The following DENND4A variants were observed in gnomAD, a reference collection of about 807,000 sequenced individuals.
DENND4A encodes C-myc promoter-binding protein.
A neutral mutation model predicts 199.3 loss-of-function variants in DENND4A; 70 were observed. That is an observed-to-expected ratio of 0.35 (90% CI 0.29 to 0.43). DENND4A has a LOEUF of 0.43. Among genes scored for constraint, DENND4A ranks in the 20% least tolerant of loss-of-function variants. DENND4A has a pLI of 1.00. For synonymous variants in DENND4A, 686 were observed against 766.9 expected (o/e 0.89, Z 1.74); for missense variants, 1,723 against 2,255.8 (o/e 0.76, Z 4.78).
intron 9 of DENND4A, chr15:65,731,346 T>A (rs1383216431): frequency 2.3e-6 from 1 of 434,644 alleles, no homozygotes; most frequent in African/African-American, 2.0e-5. Context: ...CAGAGGTTAA[T>A]TAAAGCTAAA....
At chr15:65,770,583 C>G (rs371028748) in intron 1 of DENND4A, among the ~76,000 whole-genome samples, 1 of 151,986 alleles carries the variant, frequency 6.6e-6, no homozygotes, top group African/African-American at 2.4e-5. Context: ...TGGAATATAA[C>G]GGCAATATTA....
At chr15:65,765,525 G>C (rs1211603350) in intron 1 of DENND4A, among the ~76,000 whole-genome samples, 1 of 152,142 alleles carries the variant, frequency 6.6e-6, no homozygotes, top group East Asian at 1.9e-4. Flanking sequence ...GTAACATCTT[G>C]CAAAACTATA....
At chr15:65,739,006 A>G (rs1258676752) in intron 5 of DENND4A, 131 bp from the exon 6 acceptor site, 3 of 611,122 alleles carry the variant, frequency 4.9e-6, no homozygotes, top group Non-Finnish European at 7.9e-6. Context: ...TTCATCAAAT[A>G]ACACTGAATA....
intron 23 of DENND4A, among the ~76,000 whole-genome samples, chr15:65,683,436 T>A (rs1264070729): frequency 6.6e-6 from 1 of 152,194 alleles, no homozygotes; most frequent in East Asian, 1.9e-4. Flanking sequence ...GCTTACTTTG[T>A]TCTTTTTTTC....
intron 14 of DENND4A, among the ~76,000 whole-genome samples, chr15:65,709,245 T>C (rs1008449641): frequency 6.6e-6 from 1 of 152,214 alleles, no homozygotes; most frequent in Admixed American, 6.5e-5. Context: ...AGAAAACATA[T>C]GCAGATGAAT....
intron 11 of DENND4A, chr15:65,725,904 T>A (rs1293876310): frequency 1.3e-5 from 2 of 152,170 alleles, no homozygotes; most frequent in African/African-American, 4.8e-5. Flanking sequence ...TTTGTTTTTC[T>A]TTCAAACTTC....
rs1001837470 is a variant in DENND4A at position 65,734,820 on chromosome 15, C to T, written c.1041-2002G>A. On this transcript the variant is annotated intron_variant, in intron 7 of 32. Coordinates refer to ENST00000443035, the MANE Select transcript of DENND4A (RefSeq NM_001320835.1). ...TAATAATAGTATGATGTTGGCCAGGCGCGGTAATCCCAGCACTTTGGGAGG... is the reference window on the plus strand; with the variant it reads ...TAATAATAGTATGATGTTGGCCAGGTGCGGTAATCCCAGCACTTTGGGAGG... Among the ~76,000 whole-genome samples the T allele has an allele frequency of 3.5e-4, 53 of 152,090 alleles. 1 individual carries two copies. Among genetic ancestry groups the T allele is most frequent in the African/African-American group, 1.3e-3 (52 of 41,420 alleles).
intron 7 of DENND4A, among the ~76,000 whole-genome samples, chr15:65,735,239 G>GT (rs759995284): frequency 2.6e-5 from 4 of 151,994 alleles, no homozygotes; most frequent in Non-Finnish European, 5.9e-5. Flanking sequence ...TCAGCCAGGT[G>GT]TGGTGGCACA....
chr15:65,784,625 T>C (rs1391545183), intron 1 of DENND4A, among the ~76,000 whole-genome samples: 2 of 152,152 alleles, frequency 1.3e-5, no homozygotes, highest in East Asian at 1.9e-4. Flanking sequence ...GCATGTATAG[T>C]GGGTTGGACA....
chr15:65,717,694 T>C (rs1303558152), intron 13 of DENND4A, 84 bp downstream of exon 13: 1 of 1,185,480 alleles, frequency 8.4e-7, no homozygotes, highest in Non-Finnish European at 1.2e-6. Context: ...CTCATAAATA[T>C]GAGCTATTAA....
At chr15:65,663,196 A>ATTTTTTTTTTTTTTTTTTTTTTTT (rs1366096279) in intron 32 of DENND4A, among the ~76,000 whole-genome samples, 1 of 117,122 alleles carries the variant, frequency 8.5e-6, no homozygotes. Flanking sequence ...ATATATATAT[A>ATTTTTTTTTTTTTTTTTTTTTTTT]TATTTTTTTT....
intron 23 of DENND4A, among the ~76,000 whole-genome samples, chr15:65,682,272 AGC>A (rs2076604605): frequency 1.3e-5 from 2 of 152,306 alleles, no homozygotes; most frequent in South Asian, 4.1e-4. Context: ...TGTTTAGTAT[AGC>A]CACCTTCATC....
intron 2 of DENND4A, 144 bp downstream of exon 2, chr15:65,761,216 T>A (rs2076842248): frequency 6.6e-6 from 1 of 152,222 alleles, no homozygotes; most frequent in Non-Finnish European, 1.5e-5. Flanking sequence ...CAATGAATTA[T>A]TTTGTATCAT....
chr15:65,673,885 G>C (rs561009090), intron 24 of DENND4A, among the ~76,000 whole-genome samples: 1 of 152,204 alleles, frequency 6.6e-6, no homozygotes, highest in Admixed American at 6.5e-5. Context: ...CCTACCTTTT[G>C]TATCTAACTA....
At chr15:65,673,531 T>C (rs564429234) in intron 24 of DENND4A, among the ~76,000 whole-genome samples, 24 of 122,182 alleles carry the variant, frequency 2.0e-4, no homozygotes, top group African/African-American at 6.7e-4. Context: ...CCATGAGAAA[T>C]AAGAGGGGAT....
At chr15:65,756,596 T>C (rs1354304029) in intron 2 of DENND4A, 124 bp from the exon 3 acceptor site, 10 of 567,940 alleles carry the variant, frequency 1.8e-5, no homozygotes, top group East Asian at 8.9e-5. Flanking sequence ...CACAGTAGCA[T>C]TGTATATTTA....
chr15:65,784,582 T>C (rs2077517798), intron 1 of DENND4A, among the ~76,000 whole-genome samples: 1 of 152,206 alleles, frequency 6.6e-6, no homozygotes, highest in Non-Finnish European at 1.5e-5. Context: ...GGGGAAGTTG[T>C]TGCCTTAACC....
Position 65,715,467 on chromosome 15 carries a change from C to T in DENND4A, c.1953+11G>A, listed in dbSNP as rs543987150. ...AATAAGTTAGGGCATTGTAGATGTA[C>T]TGTTACTTACTTTATCTACACAATC... is the stretch of plus-strand genomic sequence containing the variant. On this transcript the variant is annotated intron_variant, in intron 14 of 32. Transcript: ENST00000443035. The T allele has an allele frequency of 6.2e-7, 1 of 1,602,210 alleles. No individual in the cohort carries two copies. The highest frequency in any genetic ancestry group is 8.5e-7 in the Non-Finnish European group (1 of 1,176,650).
intron 14 of DENND4A, among the ~76,000 whole-genome samples, chr15:65,713,809 C>G (rs2075315112): frequency 6.6e-6 from 1 of 152,150 alleles, no homozygotes. Flanking sequence ...TGCCCTAAAC[C>G]TGGGGCTGGC....
Sources: allele counts gnomAD v4.1 joint callset (sites outside exome capture counted in the v4.1 genomes callset), GRCh38; gene constraint gnomAD v4.1.1; transcripts MANE v1.5; gene names NCBI Gene and HGNC (gene_info 2026-07-23, HGNC 2026-07-21).